Variants in EBF1 observed in about 807,000 individuals in gnomAD.
The protein encoded by EBF1 is transcription factor COE1.
A neutral mutation model predicts 68.4 loss-of-function variants in EBF1; 10 were observed. The observed-to-expected ratio is 0.15, with a 90% confidence interval of 0.09 to 0.25. EBF1 has a LOEUF of 0.25. EBF1 is among the 10% of genes least tolerant of loss of function. The pLI, the probability that EBF1 is intolerant of heterozygous loss-of-function variation, is 1.00. For missense variants in EBF1, 509 were observed against 794.4 expected, an observed-to-expected ratio of 0.64 and a Z score of 4.32; for synonymous variants, 298 against 299.8, an observed-to-expected ratio of 0.99 and a Z score of 0.06.
At chr5:158,749,781 T>C (rs911581104) in intron 10 of EBF1, among the ~76,000 whole-genome samples, 9 of 152,100 alleles carry the variant, frequency 5.9e-5, no homozygotes, top group Admixed American at 4.6e-4. Flanking sequence ...ATTTAGCATA[T>C]CAACAAGGGA....
intron 10 of EBF1, among the ~76,000 whole-genome samples, chr5:158,774,622 G>C: frequency 6.6e-6 from 1 of 152,070 alleles, no homozygotes; most frequent in Admixed American, 6.6e-5. Context: ...ACAAAGGAGG[G>C]GGCCGTACAT....
At chr5:158,831,998 C>T (rs1386276019) in intron 7 of EBF1, among the ~76,000 whole-genome samples, 1 of 152,158 alleles carries the variant, frequency 6.6e-6, no homozygotes, top group East Asian at 1.9e-4. Context: ...TAAGATTATA[C>T]ATGTATAACA....
chr5:158,940,130 C>T (rs192176951), intron 6 of EBF1, among the ~76,000 whole-genome samples: 1 of 152,282 alleles, frequency 6.6e-6, no homozygotes, highest in Admixed American at 6.5e-5. Context: ...TTCAATTTAG[C>T]AGAATCACCA....
At chr5:158,814,971 G>A (rs1783428204) in intron 8 of EBF1, among the ~76,000 whole-genome samples, 1 of 152,094 alleles carries the variant, frequency 6.6e-6, no homozygotes, top group Non-Finnish European at 1.5e-5. Context: ...GATATGCTCT[G>A]GGCTAACTTT....
chr5:159,061,656 C>A (rs1283276534), intron 6 of EBF1, among the ~76,000 whole-genome samples: 2 of 152,000 alleles, frequency 1.3e-5, no homozygotes, highest in Non-Finnish European at 2.9e-5. Context: ...GTGTCCGGCT[C>A]GGAAGCCGAA....
Position 159,076,001 on chromosome 5 carries a change from A to G in EBF1, c.486-2537T>C, listed in dbSNP as rs1584448616. ...CTTCCCCAGAGAGGTTTGGCCTGAC[A>G]CCCCACCTTTAATCTAAATTAGGTT... On this transcript the variant is annotated intron_variant, in intron 5 of 15. Transcript: ENST00000313708. 2.0e-5 allele frequency among the ~76,000 whole-genome samples: 3 copies of G among 148,038 alleles called. No homozygotes were observed. The South Asian group carries it at 6.3e-4, about 31-fold the overall frequency.
intron 6 of EBF1, among the ~76,000 whole-genome samples, chr5:159,046,025 T>C (rs1772319788): frequency 6.6e-6 from 1 of 152,198 alleles, no homozygotes; most frequent in Non-Finnish European, 1.5e-5. Context: ...TCTGGGCCAT[T>C]ACTATCCCAG....
At chr5:158,873,411 A>T (rs994785083) in intron 6 of EBF1, among the ~76,000 whole-genome samples, 2 of 152,146 alleles carry the variant, frequency 1.3e-5, no homozygotes, top group East Asian at 3.9e-4. Context: ...GTGTTCCCTG[A>T]ACTTCAATCA....
intron 7 of EBF1, 142 bp from the exon 8 acceptor site, chr5:158,823,459 A>G: frequency 1.2e-6 from 1 of 804,786 alleles, no homozygotes; most frequent in Non-Finnish European, 1.9e-6. Context: ...ATGCTGTACA[A>G]GTCTAACAAG....
At chr5:158,981,657 T>C (rs1340632545) in intron 6 of EBF1, among the ~76,000 whole-genome samples, 2 of 152,306 alleles carry the variant, frequency 1.3e-5, no homozygotes, top group South Asian at 4.1e-4. Context: ...TAAAATACTT[T>C]ATAAACATTC....
At chr5:159,083,503 T>C (rs1273935935) in intron 5 of EBF1, among the ~76,000 whole-genome samples, 6 of 152,232 alleles carry the variant, frequency 3.9e-5, no homozygotes. Context: ...TATTTTAGAA[T>C]AATATGTTAG....
At chr5:158,803,561 T>A (rs1026654596) in intron 8 of EBF1, among the ~76,000 whole-genome samples, 1 of 152,010 alleles carries the variant, frequency 6.6e-6, no homozygotes, top group Non-Finnish European at 1.5e-5. Flanking sequence ...ATTCTCCAAC[T>A]GGATGCTTTA....
At chr5:158,915,190 G>A (rs1806891883) in intron 6 of EBF1, among the ~76,000 whole-genome samples, 4 of 152,152 alleles carry the variant, frequency 2.6e-5, no homozygotes, top group East Asian at 1.9e-4. Context: ...AACTCTGGGG[G>A]CCTCATTTAA....
intron 6 of EBF1, among the ~76,000 whole-genome samples, chr5:159,051,281 A>C (rs1314767745): frequency 1.3e-5 from 2 of 151,956 alleles, no homozygotes; most frequent in African/African-American, 4.8e-5. Flanking sequence ...TTAGAGGTCA[A>C]GGCATCCTTT....
rs1755806368 is a variant in EBF1 at position 158,696,662 on chromosome 5, ATT to A, written c.*2447_*2448del. 4.8e-6 allele frequency: 1 copy of A among 210,284 alleles called. No homozygotes were observed. The highest frequency in any genetic ancestry group is 9.6e-6 in the Non-Finnish European group (1 of 103,776). 13.0% of individuals were successfully genotyped at this position (210,284 alleles called of 1,614,324 possible). On this transcript the variant is annotated 3_prime_UTR_variant, in exon 16 of 16. Transcript: ENST00000313708. ...TTTATTATTATTAGTCATCATTATTATTTCTCACCATGAAAAACAGCTTTCCT... is the reference window on the plus strand; with the variant it reads ...TTTATTATTATTAGTCATCATTATTATCTCACCATGAAAAACAGCTTTCCT...
chr5:159,069,214 T>A (rs1584401962), intron 6 of EBF1, among the ~76,000 whole-genome samples: 1 of 149,804 alleles, frequency 6.7e-6, no homozygotes, highest in African/African-American at 2.4e-5. Flanking sequence ...TTCTATCTAC[T>A]AAAAAAAAAA....
chr5:158,997,776 C>T (rs1442545129), intron 6 of EBF1, among the ~76,000 whole-genome samples: 2 of 152,210 alleles, frequency 1.3e-5, no homozygotes, highest in African/African-American at 4.8e-5. Context: ...GCCTCCCAGA[C>T]ACAGGCCTTT....
chr5:159,093,509 C>G (rs1000106841), intron 4 of EBF1, among the ~76,000 whole-genome samples: 2 of 152,112 alleles, frequency 1.3e-5, no homozygotes, highest in African/African-American at 4.8e-5. Flanking sequence ...CTCTCTCTCT[C>G]TTTCTCTCTC....
chr5:158,973,704 T>C (rs1561674919), intron 6 of EBF1, among the ~76,000 whole-genome samples: 1 of 152,214 alleles, frequency 6.6e-6, no homozygotes, highest in Non-Finnish European at 1.5e-5. Flanking sequence ...AGGCATGCAA[T>C]AAATATTTCT....
Sources: allele counts gnomAD v4.1 joint callset (sites outside exome capture counted in the v4.1 genomes callset), GRCh38; gene constraint gnomAD v4.1.1; transcripts MANE v1.5; gene names NCBI Gene and HGNC (gene_info 2026-07-23, HGNC 2026-07-21).